ATF7IP: variants seen among roughly 807,000 people sequenced by gnomAD.
ATF7IP encodes the protein activating transcription factor 7 interacting protein.
Under a neutral mutation model 106.4 loss-of-function variants are expected in ATF7IP, and 23 were observed. That is an observed-to-expected ratio of 0.22 (90% CI 0.16 to 0.31). ATF7IP has a LOEUF of 0.31. ATF7IP is among the 10% of genes least tolerant of loss of function. The probability of loss-of-function intolerance (pLI) is 1.00; values close to 1 mark genes in which losing one functional copy is unlikely to be tolerated. For synonymous variants in ATF7IP, 542 were observed against 539.0 expected (o/e 1.01, Z -0.08); for missense variants, 1,334 against 1,524.3 (o/e 0.88, Z 2.08).
rs932469746 is a variant in ATF7IP at position 14,492,087 on chromosome 12, A to G, written c.3281-4144A>G. On this transcript the variant is annotated intron_variant, in intron 13 of 14. Coordinates refer to ENST00000261168, the MANE Select transcript of ATF7IP (RefSeq NM_018179.5). The stretch of plus-strand genomic sequence containing the variant: ...CCTCACCTTACCAGTCAAGGAGCCA[A>G]TGTGGTGGTTCTGCCAGCTGCTAAG... Among the ~76,000 whole-genome samples the G allele has an allele frequency of 1.8e-4, 27 of 152,268 alleles. 1 individual carries two copies. The highest frequency in any genetic ancestry group is 6.3e-4 in the African/African-American group (26 of 41,552).
rs534493195 is a variant in ATF7IP, at chr12:14,462,273, A to T, written c.2797+1140A>T. On this transcript the variant is annotated intron_variant, in intron 9 of 14. Coordinates refer to ENST00000261168, the MANE Select transcript of ATF7IP (RefSeq NM_018179.5). ...TCTGCTACCACATTATTTTTTGGAT[A>T]TTCTTTCATGTTTACAACACTAAAA... Among the ~76,000 whole-genome samples the T allele has an allele frequency of 2.4e-4, 36 of 152,222 alleles. No homozygotes were observed. In the South Asian group the frequency reaches 7.2e-3, roughly 31 times the overall value.
At chr12:14,483,318 T>C (rs1234286268) in intron 13 of ATF7IP, among the ~76,000 whole-genome samples, 1 of 152,238 alleles carries the variant, frequency 6.6e-6, no homozygotes, top group Non-Finnish European at 1.5e-5. Flanking sequence ...ATGGATCTCC[T>C]GTATTCCATG....
Position 14,478,465 on chromosome 12 carries a change from A to G in ATF7IP, c.3090A>G (p.Leu1030=). ...CATCTCAGACCACCATACACTTACT[A>G]CCTACAGGTAAATTTGTTGAATCAT... The part of the protein sequence containing the change: ...SGPSQTTIHL[L]PTAPTTVNVT... The change falls in exon 12 of 15, where the codon CTA becomes CTG. Residue 1030 remains leucine, a synonymous_variant. Coordinates refer to ENST00000261168, the MANE Select transcript of ATF7IP (RefSeq NM_018179.5). 1 of 1,613,906 alleles carries G rather than the reference A, an allele frequency of 6.2e-7. No individual in the cohort carries two copies. The highest frequency in any genetic ancestry group is 8.5e-7 in the Non-Finnish European group (1 of 1,179,890).
intron 1 of ATF7IP, among the ~76,000 whole-genome samples, chr12:14,405,706 A>G (rs937724611): frequency 1.3e-5 from 2 of 152,266 alleles, no homozygotes; most frequent in East Asian, 1.9e-4. Flanking sequence ...GGCGTGAGCC[A>G]CTGCACCCAG....
chr12:14,411,545 T>TA (rs1004075578), intron 1 of ATF7IP, among the ~76,000 whole-genome samples: 14 of 151,098 alleles, frequency 9.3e-5, no homozygotes, highest in East Asian at 1.9e-4. Context: ...ATAATAATTT[T>TA]AAAAAAAACA....
At chr12:14,382,684 GA>G (rs1939048052) in intron 1 of ATF7IP, among the ~76,000 whole-genome samples, 1 of 152,134 alleles carries the variant, frequency 6.6e-6, no homozygotes, top group South Asian at 2.1e-4. Flanking sequence ...AAAACACTGA[GA>G]ATTTCAGCTC....
chr12:14,382,582 T>C (rs887770761), intron 1 of ATF7IP, among the ~76,000 whole-genome samples: 22 of 152,212 alleles, frequency 1.4e-4, no homozygotes, highest in African/African-American at 5.3e-4. Context: ...AAGACTAAAA[T>C]CTTAGTTGAC....
At chr12:14,482,921 A>G (rs1010333055) in intron 13 of ATF7IP, among the ~76,000 whole-genome samples, 1 of 152,244 alleles carries the variant, frequency 6.6e-6, no homozygotes, top group African/African-American at 2.4e-5. Context: ...ACTATTACAT[A>G]AAGTTAACAA....
At chr12:14,418,133 A>G (rs1434099372) in intron 1 of ATF7IP, among the ~76,000 whole-genome samples, 1 of 152,110 alleles carries the variant, frequency 6.6e-6, no homozygotes, top group Non-Finnish European at 1.5e-5. Context: ...TTTACCAAAA[A>G]TTTGAAAAAA....
At chr12:14,453,389 T>C (rs1391681650) in intron 6 of ATF7IP, among the ~76,000 whole-genome samples, 1 of 152,192 alleles carries the variant, frequency 6.6e-6, no homozygotes, top group Non-Finnish European at 1.5e-5. Context: ...TTTTTGCTCC[T>C]CTGGCTTGAT....
chr12:14,391,877 A>G (rs1471688616), intron 1 of ATF7IP, among the ~76,000 whole-genome samples: 1 of 152,064 alleles, frequency 6.6e-6, no homozygotes, highest in Non-Finnish European at 1.5e-5. Flanking sequence ...GTGCGCCACC[A>G]TGCCTGGCTA....
intron 2 of ATF7IP, among the ~76,000 whole-genome samples, chr12:14,431,086 T>C (rs1478592840): frequency 6.6e-6 from 1 of 152,252 alleles, no homozygotes; most frequent in East Asian, 1.9e-4. Flanking sequence ...ATGTAAATTC[T>C]ATTTTGTAAT....
At chr12:14,456,786 A>G in intron 7 of ATF7IP, 152 bp downstream of exon 7, 1 of 609,250 alleles carries the variant, frequency 1.6e-6, no homozygotes, top group Non-Finnish European at 2.8e-6. Context: ...CTGCTTCATT[A>G]TATTGTTCAT....
intron 1 of ATF7IP, among the ~76,000 whole-genome samples, chr12:14,375,830 A>G (rs1938715237): frequency 6.6e-6 from 1 of 152,272 alleles, no homozygotes; most frequent in Admixed American, 6.5e-5. Context: ...AATATTTATT[A>G]AGAAGCAACT....
rs1945160541 is a variant in ATF7IP, at chr12:14,501,575, GAA to G, written c.*3503_*3504del. On this transcript the variant is annotated 3_prime_UTR_variant, in exon 15 of 15. Coordinates refer to ENST00000261168, the MANE Select transcript of ATF7IP (RefSeq NM_018179.5). ...TGGACTCATTTTTAAAAAATATGCC[GAA>G]TACTGCATACTGTTTAAGGTAGTAT... 6.6e-6 allele frequency: 1 copy of G among 152,022 alleles called. No individual in the cohort carries two copies. The highest frequency in any genetic ancestry group is 6.5e-5 in the Admixed American group (1 of 15,268). 9.4% of individuals were successfully genotyped at this position (152,022 alleles called of 1,614,324 possible).
At chr12:14,458,974 A>G (rs1390054439) in intron 8 of ATF7IP, among the ~76,000 whole-genome samples, 1 of 152,198 alleles carries the variant, frequency 6.6e-6, no homozygotes, top group Non-Finnish European at 1.5e-5. Context: ...AATTACATTT[A>G]CTGATTTTAC....
intron 1 of ATF7IP, among the ~76,000 whole-genome samples, chr12:14,404,914 G>T (rs1460561807): frequency 6.6e-6 from 1 of 152,014 alleles, no homozygotes; most frequent in African/African-American, 2.4e-5. Flanking sequence ...TTTTTTTCAG[G>T]TTCCAAAAGA....
Position 14,436,147 on chromosome 12 carries a change from G to A in ATF7IP, c.1687G>A (p.Asp563Asn). The A allele has an allele frequency of 6.2e-7, 1 of 1,613,508 alleles. No individual in the cohort carries two copies. Among genetic ancestry groups the A allele is most frequent in the Non-Finnish European group, 8.5e-7 (1 of 1,179,726 alleles). ...AAAACGTTCTAAATCAGAAGACATG[G>A]ACAATGTACAGTCTAAACGTCGTCG... The part of the protein sequence containing the change: ...RRKRSKSEDM[D>N]NVQSKRRRYM... The change falls in exon 4 of 15, where the codon GAC becomes AAC. Residue 563 changes from aspartate to asparagine, a missense_variant. By Grantham distance (23) the Asp-to-Asn change is conservative. Coordinates refer to ENST00000261168, the MANE Select transcript of ATF7IP (RefSeq NM_018179.5).
At chr12:14,482,415 G>A (rs1944460293) in intron 13 of ATF7IP, 1 of 152,894 alleles carries the variant, frequency 6.5e-6, no homozygotes, top group Non-Finnish European at 1.5e-5. Context: ...GAAGAATTTG[G>A]AGTCCAGTGT....
Sources: allele counts gnomAD v4.1 joint callset (sites outside exome capture counted in the v4.1 genomes callset), GRCh38; gene constraint gnomAD v4.1.1; transcripts MANE v1.5; gene names NCBI Gene and HGNC (gene_info 2026-07-23, HGNC 2026-07-21).